The following CHODL variants were observed in gnomAD, a reference collection of about 807,000 sequenced individuals.
The protein encoded by CHODL is chondrolectin.
A neutral mutation model predicts 34.5 loss-of-function variants in CHODL; 29 were observed. That is an observed-to-expected ratio of 0.84 (90% CI 0.63 to 1.15). The LOEUF (loss-of-function observed/expected upper bound fraction) is 1.15. Among genes scored for constraint, CHODL ranks in the 50% most tolerant of loss-of-function variants. The pLI is 0.00. For missense variants in CHODL, 332 were observed against 332.5 expected, an observed-to-expected ratio of 1.00 and a Z score of 0.01; for synonymous variants, 125 against 116.1, an observed-to-expected ratio of 1.08 and a Z score of -0.49.
chr21:18,238,867 G>A (rs112526536), intron 2 of CHODL, among the ~76,000 whole-genome samples: 591 of 152,158 alleles, frequency 3.9e-3, no homozygotes, highest in African/African-American at 0.013. Context: ...CATTACTTCT[G>A]ATTTTTTAGT....
chr21:17,945,224 A>AAAAG (rs1400961851), intron 1 of CHODL, among the ~76,000 whole-genome samples: 3 of 151,482 alleles, frequency 2.0e-5, no homozygotes, highest in African/African-American at 7.3e-5. Context: ...AAAAAAAAAA[A>AAAAG]ATTACTAAAG....
intron 2 of CHODL, among the ~76,000 whole-genome samples, chr21:18,110,498 A>G (rs1421832895): frequency 1.3e-5 from 2 of 152,068 alleles, no homozygotes; most frequent in Non-Finnish European, 2.9e-5. Flanking sequence ...GGCTATGCTT[A>G]AAGGAAGCCA....
chr21:18,032,479 C>T (rs1338704418), intron 2 of CHODL, among the ~76,000 whole-genome samples: 2 of 151,930 alleles, frequency 1.3e-5, no homozygotes, highest in Non-Finnish European at 2.9e-5. Flanking sequence ...GAGATTAGTG[C>T]CACAATACAA....
intron 1 of CHODL, among the ~76,000 whole-genome samples, chr21:17,975,478 A>G (rs1242074607): frequency 6.6e-6 from 1 of 152,180 alleles, no homozygotes; most frequent in Non-Finnish European, 1.5e-5. Flanking sequence ...CTACTTTAAA[A>G]TGTTTTATAA....
At chr21:18,042,898 C>T (rs534943321) in intron 2 of CHODL, among the ~76,000 whole-genome samples, 3 of 151,948 alleles carry the variant, frequency 2.0e-5, no homozygotes, top group South Asian at 2.1e-4. Context: ...TAAGAATGGT[C>T]ATGTTCTGGC....
At chr21:18,154,473 A>G (rs913846990) in intron 2 of CHODL, among the ~76,000 whole-genome samples, 1 of 152,160 alleles carries the variant, frequency 6.6e-6, no homozygotes, top group Non-Finnish European at 1.5e-5. Context: ...ATTCATGTAA[A>G]TATTAATAAA....
intron 2 of CHODL, among the ~76,000 whole-genome samples, chr21:18,038,912 C>A: frequency 6.6e-6 from 1 of 151,182 alleles, no homozygotes; most frequent in Admixed American, 6.7e-5. Context: ...AATATTTCAT[C>A]CATGGTACTT....
chr21:18,139,067 G>A (rs558058024), intron 2 of CHODL, among the ~76,000 whole-genome samples: 26 of 152,130 alleles, frequency 1.7e-4, no homozygotes, highest in South Asian at 4.1e-4. Context: ...GTGAATGTGC[G>A]CATGAGTATG....
chr21:17,968,158 G>A (rs2063587637), intron 1 of CHODL, among the ~76,000 whole-genome samples: 1 of 152,178 alleles, frequency 6.6e-6, no homozygotes, highest in African/African-American at 2.4e-5. Context: ...GCAACTGTGT[G>A]TCTTGGGTGG....
chr21:18,009,295 T>C (rs1433014856), intron 1 of CHODL, among the ~76,000 whole-genome samples: 2 of 152,166 alleles, frequency 1.3e-5, no homozygotes, highest in Non-Finnish European at 2.9e-5. Flanking sequence ...TCACCTTAAT[T>C]TTGAATTAGT....
chr21:18,154,528 T>C (rs1003708062), intron 2 of CHODL, among the ~76,000 whole-genome samples: 1 of 152,170 alleles, frequency 6.6e-6, no homozygotes, highest in African/African-American at 2.4e-5. Context: ...TTTAGTTTAA[T>C]TCAAAAGCCC....
At chr21:17,989,654 C>G (rs1192057521) in intron 1 of CHODL, among the ~76,000 whole-genome samples, 1 of 152,146 alleles carries the variant, frequency 6.6e-6, no homozygotes, top group Non-Finnish European at 1.5e-5. Flanking sequence ...TTTATACCAA[C>G]CTGCAATTAG....
At chr21:18,027,739 G>A (rs913273711) in intron 1 of CHODL, 4 of 152,268 alleles carry the variant, frequency 2.6e-5, no homozygotes, top group African/African-American at 7.2e-5. Flanking sequence ...AACGCATAAC[G>A]TGGTGGTACT....
intron 2 of CHODL, among the ~76,000 whole-genome samples, chr21:18,065,199 G>A (rs949775787): frequency 2.6e-5 from 4 of 152,136 alleles, no homozygotes; most frequent in Non-Finnish European, 2.9e-5. Context: ...TCTTTTTGTA[G>A]CCAGTAATGC....
chr21:18,199,444 AT>A (rs963371804), intron 2 of CHODL, among the ~76,000 whole-genome samples: 48 of 151,980 alleles, frequency 3.2e-4, no homozygotes, highest in African/African-American at 1.2e-3. Context: ...TAATGTGATA[AT>A]TTTTTACAAT....
At chr21:17,978,935 A>C (rs1467669306) in intron 1 of CHODL, among the ~76,000 whole-genome samples, 1 of 152,046 alleles carries the variant, frequency 6.6e-6, no homozygotes, top group Admixed American at 6.6e-5. Flanking sequence ...CTCTCTGTCC[A>C]TGCACATGAG....
chr21:18,210,567 T>C (rs1426685937), intron 2 of CHODL, among the ~76,000 whole-genome samples: 1 of 152,214 alleles, frequency 6.6e-6, no homozygotes, highest in African/African-American at 2.4e-5. Flanking sequence ...ATTATCTTGC[T>C]CTGCCTGCTC....
chr21:18,018,601 G>A (rs1362761847), intron 1 of CHODL, among the ~76,000 whole-genome samples: 1 of 152,150 alleles, frequency 6.6e-6, no homozygotes, highest in Non-Finnish European at 1.5e-5. Context: ...GCAAATGCTG[G>A]AACTGAGTTT....
intron 2 of CHODL, among the ~76,000 whole-genome samples, chr21:18,147,562 C>A (rs2072909448): frequency 6.6e-6 from 1 of 152,242 alleles, no homozygotes; most frequent in African/African-American, 2.4e-5. Flanking sequence ...GAGTTCTCAA[C>A]TTTGTCATAT....
Sources: allele counts gnomAD v4.1 joint callset (sites outside exome capture counted in the v4.1 genomes callset), GRCh38; gene constraint gnomAD v4.1.1; transcripts MANE v1.5; gene names NCBI Gene and HGNC (gene_info 2026-07-23, HGNC 2026-07-21).